HAUS7: variants seen among roughly 807,000 people sequenced by gnomAD.
HAUS7 encodes HAUS augmin like complex subunit 7.
HAUS7 carries 3 observed loss-of-function variants against 28.4 expected under a neutral mutation model. The observed-to-expected ratio is 0.11, with a 90% CI of 0.05 to 0.27. The LOEUF (loss-of-function observed/expected upper bound fraction) is 0.27, where lower values mean the gene tolerates loss of function less well. HAUS7 is among the 10% of genes least tolerant of loss of function. The probability of loss-of-function intolerance (pLI) is 1.00; values close to 1 mark genes in which losing one functional copy is unlikely to be tolerated. For missense variants in HAUS7, 284 were observed against 297.3 expected (o/e 0.96, Z 0.33); for synonymous variants, 165 against 132.1 (o/e 1.25, Z -1.71).
intron 3 of HAUS7, chrX:153,463,106 G>A (rs782617178): frequency 1.2e-4 from 41 of 334,267 alleles, no homozygotes; most frequent in Non-Finnish European, 1.4e-4. Context: ...GCAGCCCTGG[G>A]GGTGGAAGAC....
At chrX:153,464,591 T>C (rs1229119046) in intron 3 of HAUS7, among the ~76,000 whole-genome samples, 2 of 112,680 alleles carry the variant, frequency 1.8e-5, no homozygotes, top group Middle Eastern at 4.2e-3. Context: ...CTCACCTTTA[T>C]CCAACATTCA....
chrX:153,468,106 G>A (rs971411152), intron 2 of HAUS7, among the ~76,000 whole-genome samples: 3 of 112,350 alleles, frequency 2.7e-5, no homozygotes, highest in East Asian at 2.8e-4. Flanking sequence ...GGCAGGAGAC[G>A]CCTCTGGAAC....
intron 9 of HAUS7, among the ~76,000 whole-genome samples, chrX:153,450,430 C>A (rs1415695597): frequency 9.0e-6 from 1 of 111,717 alleles, no homozygotes; most frequent in Non-Finnish European, 1.9e-5. Context: ...TCCATCTGCT[C>A]ACCACTGCCC....
intron 1 of HAUS7, among the ~76,000 whole-genome samples, chrX:153,475,629 AT>A (rs1318113797): frequency 8.9e-6 from 1 of 112,479 alleles, no homozygotes; most frequent in Non-Finnish European, 1.9e-5. Flanking sequence ...TTACTGACAT[AT>A]AAGATAGCTG....
At chrX:153,450,896 G>A (rs782208513) in intron 9 of HAUS7, among the ~76,000 whole-genome samples, 4 of 112,427 alleles carry the variant, frequency 3.6e-5, no homozygotes, top group African/African-American at 9.7e-5. Context: ...GATGGGAAAC[G>A]GGACAAATAA....
chrX:153,448,604 C>T (rs940459180), intron 9 of HAUS7, among the ~76,000 whole-genome samples: 22 of 110,820 alleles, frequency 2.0e-4, no homozygotes, highest in African/African-American at 6.5e-4. Context: ...AGAAAAGAAA[C>T]CAACAGGAAA....
upstream of HAUS7, chrX:153,471,179 A>G (rs2089521104): frequency 3.8e-6 from 1 of 260,415 alleles, no homozygotes; most frequent in Non-Finnish European, 7.4e-6. Context: ...GTCACTCACC[A>G]GCTGTGTGCC....
chrX:153,448,134 G>C lies in HAUS7; in HGVS notation c.1046-225C>G, dbSNP rs2089186999. Among the ~76,000 whole-genome samples, 4 of 110,056 alleles carry C rather than the reference G, an allele frequency of 3.6e-5. No homozygotes were observed. In the Admixed American group the frequency reaches 3.9e-4, roughly 11 times the overall value. ...CACTATTCACAATAGCAAAGACTTG[G>C]AACCAACCCAAATGTCCAACACTGA... On this transcript the variant is annotated intron_variant, in intron 9 of 9. Transcript: ENST00000370211.
At chrX:153,456,426 A>C (rs2089310892) in intron 6 of HAUS7, 62 bp from the exon 7 acceptor site, 2 of 1,179,714 alleles carry the variant, frequency 1.7e-6, no homozygotes, top group Admixed American at 4.5e-5. Flanking sequence ...GCAGTAACAG[A>C]ACCAAGCAGC....
intron 4 of HAUS7, among the ~76,000 whole-genome samples, chrX:153,459,065 CTTTTT>C (rs1556982857): frequency 8.9e-6 from 1 of 112,388 alleles, no homozygotes; most frequent in African/African-American, 3.2e-5. Context: ...GCCTCCTTTT[CTTTTT>C]TGATTCTAGC....
chrX:153,460,028 C>A (rs782466290), intron 4 of HAUS7, among the ~76,000 whole-genome samples: 17 of 112,410 alleles, frequency 1.5e-4, no homozygotes, highest in Non-Finnish European at 2.4e-4. Context: ...TCTCCTTCCT[C>A]CCTCCTCCAA....
In HAUS7 at chrX:153,456,279, C is replaced by T. The variant is rs1336487997; in HGVS notation, c.691G>A (p.Ala231Thr). 6.6e-6 allele frequency: 8 copies of T among 1,206,262 alleles called. No individual in the cohort carries two copies. Among genetic ancestry groups the T allele is most frequent in the Admixed American group, 2.2e-5 (1 of 45,952 alleles). The change falls in exon 7 of 10, where the codon GCG becomes ACG. Residue 231 changes from alanine (A) to threonine (T), a missense_variant. Transcript: ENST00000370211. ...AGCACCCTCACCTCCGTTCTAAGCG[C>T]GTGCAACTTGGCAGCACTCTCCTGC... The part of the protein sequence containing the change: ...QLQESAAKLH[A>T]LRTEYFAQHE...
rs1168300445 is a variant in HAUS7 at position 153,489,054 on chromosome X, C to T, written c.-589+6320G>A. 2.7e-5 allele frequency among the ~76,000 whole-genome samples: 3 copies of T among 112,846 alleles called. No homozygotes were observed. In the Admixed American group the frequency reaches 2.8e-4, roughly 10 times the overall value. On this transcript the variant is annotated intron_variant, in intron 1 of 5. Coordinates refer to the HAUS7 transcript ENST00000370210. ...CCTGGCCAAGGGAGAAGCTGGGCTG[C>T]AGCCGACCCCACAGGCCCGGCCAGG...
rs1377634989 is a variant in HAUS7 at position 153,469,220 on chromosome X, C to T, written c.150G>A (p.Glu50=). Residue 50 remains glutamate (E), a synonymous_variant, in exon 2 of 10, where the codon GAG becomes GAA. Transcript: ENST00000370211. ...CPFLEGLYIT[E]PKTIQELLCS... ...ACAGCAGTTCCTGAATTGTCTTTGG[C>T]TCTGTGATATACAGACCCTCGAGGA... 2 of 1,193,543 alleles carry T rather than the reference C, an allele frequency of 1.7e-6. No homozygotes were observed. Among genetic ancestry groups the T allele is most frequent in the Non-Finnish European group, 2.3e-6 (2 of 879,354 alleles).
At chrX:153,493,096 A>G (rs2089681711) in intron 1 of HAUS7, among the ~76,000 whole-genome samples, 1 of 112,373 alleles carries the variant, frequency 8.9e-6, no homozygotes, top group Non-Finnish European at 1.9e-5. Flanking sequence ...TATATGGTCT[A>G]TTCACAGAAC....
In HAUS7 at chrX:153,455,704, C is replaced by T; in HGVS notation, c.768G>A (p.Gln256=). 8.3e-7 allele frequency: 1 copy of T among 1,206,789 alleles called. No homozygotes were observed. The highest frequency in any genetic ancestry group is 1.8e-5 in the South Asian group (1 of 56,922). The part of the protein sequence containing the change: ...AGAADISTLD[Q]KLRLVTSDFH... The stretch of plus-strand genomic sequence containing the variant: ...AGTCGGAAGTGACCAGACGCAGCTT[C>T]TGGTCTAGGGTGCTGATGTCGGCTG... Residue 256 remains glutamine (Q), a synonymous_variant, in exon 8 of 10, where the codon CAG becomes CAA. Coordinates refer to ENST00000370211, the MANE Select transcript of HAUS7 (RefSeq NM_001385482.1).
At chrX:153,492,063 G>A (rs1389943079) in intron 1 of HAUS7, among the ~76,000 whole-genome samples, 1 of 112,359 alleles carries the variant, frequency 8.9e-6, no homozygotes, top group African/African-American at 3.2e-5. Context: ...TAAGACAGCT[G>A]TGTGTCCGCC....
chrX:153,490,548 C>T (rs1170290640), intron 1 of HAUS7, among the ~76,000 whole-genome samples: 1 of 112,791 alleles, frequency 8.9e-6, no homozygotes, highest in African/African-American at 3.2e-5. Flanking sequence ...GCATGAGCTT[C>T]ATGCCGCTTC....
rs1556983600 is a variant in HAUS7, at chrX:153,462,621, C to T, written c.343G>A (p.Glu115Lys). Residue 115 changes from glutamate to lysine, a missense_variant, in exon 4 of 10, where the codon GAG becomes AAG. Physicochemically the swap from Glu to Lys is moderately conservative, Grantham distance 56. Transcript: ENST00000370211. ...AGAGGCCCTCTTACCTTGAGGAGCT[C>T]CTGGTCATCTGGCGCACACAGCATC... ...ELMLCAPDDQ[E>K]LLKGCACAQK... 1 of 1,201,436 alleles carries T rather than the reference C, an allele frequency of 8.3e-7. No homozygotes were observed. Among genetic ancestry groups the T allele is most frequent in the Non-Finnish European group, 1.1e-6 (1 of 886,195 alleles).
Sources: gnomAD v4.1 joint callset for allele counts (sites outside exome capture counted in the v4.1 genomes callset) on GRCh38, gnomAD v4.1.1 for gene constraint, MANE v1.5 for transcripts, NCBI Gene and HGNC (gene_info 2026-07-23, HGNC 2026-07-21) for gene names.